Variants in ATP8B1 observed in about 807,000 individuals in gnomAD.
The protein encoded by ATP8B1 is ATPase phospholipid transporting 8B1.
Under a neutral mutation model 149.9 loss-of-function variants are expected in ATP8B1, and 80 were observed. The observed-to-expected ratio is 0.53, with a 90% CI of 0.45 to 0.64. ATP8B1 has a LOEUF of 0.64. Ranked by LOEUF, ATP8B1 falls within the 30% of genes least tolerant of loss-of-function variation. The pLI, the probability that ATP8B1 is intolerant of heterozygous loss-of-function variation, is 0.00. For missense variants in ATP8B1, 1,247 were observed against 1,552.6 expected (o/e 0.80, Z 3.31); for synonymous variants, 536 against 562.8 (o/e 0.95, Z 0.67).
In ATP8B1 at chr18:57,674,827, G is replaced by A. The variant is rs770597055; in HGVS notation, c.1819+7C>T. 10 of 1,613,692 alleles carry A rather than the reference G, an allele frequency of 6.2e-6. No homozygotes were observed. Among genetic ancestry groups the A allele is most frequent in the South Asian group, 1.1e-5 (1 of 90,924 alleles). On this transcript the variant is annotated splice_region_variant and intron_variant, in intron 16 of 27. Transcript: ENST00000648908. The stretch of plus-strand genomic sequence containing the variant: ...CGATTCATAGACAGACTCTGAGGGG[G>A]ACTTACCAATGATAGACATTCGCTT...
intron 6 of ATP8B1, among the ~76,000 whole-genome samples, chr18:57,699,804 C>T (rs1257232700): frequency 1.1e-4 from 17 of 152,266 alleles, no homozygotes; most frequent in African/African-American, 3.8e-4. Flanking sequence ...CCTCCTGCCT[C>T]GGCCTCCCAA....
chr18:57,743,453 C>T (rs2079937318), intron 1 of ATP8B1, among the ~76,000 whole-genome samples: 3 of 152,162 alleles, frequency 2.0e-5, no homozygotes, highest in East Asian at 1.9e-4. Flanking sequence ...GCAGATCTAT[C>T]CTACACCAGT....
At chr18:57,783,851 T>A (rs943310049) in intron 1 of ATP8B1, among the ~76,000 whole-genome samples, 3 of 151,504 alleles carry the variant, frequency 2.0e-5, no homozygotes, top group Non-Finnish European at 2.9e-5. Flanking sequence ...AAAATAAAAA[T>A]AATAAAGGAA....
intron 4 of ATP8B1, 43 bp from the exon 5 acceptor site, chr18:57,701,356 A>G: frequency 6.5e-7 from 1 of 1,550,372 alleles, no homozygotes; most frequent in East Asian, 2.2e-5. Flanking sequence ...ATGAAGGCAT[A>G]TCAAGCTTAC....
chr18:57,654,418 A>G (rs2084110573), intron 23 of ATP8B1, among the ~76,000 whole-genome samples: 1 of 151,976 alleles, frequency 6.6e-6, no homozygotes, highest in African/African-American at 2.4e-5. Flanking sequence ...TCCCAGGTTC[A>G]AGTGATTCTT....
At chr18:57,798,883 C>T (rs2080545656) in intron 1 of ATP8B1, among the ~76,000 whole-genome samples, 1 of 152,160 alleles carries the variant, frequency 6.6e-6, no homozygotes, top group African/African-American at 2.4e-5. Context: ...CTCTATCTTT[C>T]CAGTGCCTGG....
chr18:57,706,147 G>C (rs1407041288), intron 3 of ATP8B1, among the ~76,000 whole-genome samples: 1 of 152,178 alleles, frequency 6.6e-6, no homozygotes, highest in African/African-American at 2.4e-5. Flanking sequence ...AGAAGGGGAA[G>C]ATAAGTTCTT....
At chr18:57,651,944 G>T in intron 26 of ATP8B1, 90 bp downstream of exon 26, 1 of 1,487,734 alleles carries the variant, frequency 6.7e-7, no homozygotes, top group Non-Finnish European at 9.3e-7. Flanking sequence ...ATTCCACCTT[G>T]TATATTTTAT....
At chr18:57,764,756 T>TAAAAAAAA (rs1568061359) in intron 1 of ATP8B1, among the ~76,000 whole-genome samples, 1 of 66,440 alleles carries the variant, frequency 1.5e-5, no homozygotes, top group Non-Finnish European at 2.9e-5. Context: ...CTTTCAGTTG[T>TAAAAAAAA]CAAAAAAAAA....
chr18:57,704,539 T>G lies in ATP8B1; in HGVS notation c.393+16A>C, dbSNP rs1341839248. On this transcript the variant is annotated intron_variant, in intron 4 of 27. Transcript: ENST00000648908. Reference sequence around the variant, plus strand: ...CACTATAATTCAAACAGATTTAAGATAGCAAAGGGCATTACCTGTAAGATA... The same window carrying G: ...CACTATAATTCAAACAGATTTAAGAGAGCAAAGGGCATTACCTGTAAGATA... 1 of 1,480,840 alleles carries G rather than the reference T, an allele frequency of 6.8e-7. No individual in the cohort carries two copies. The highest frequency in any genetic ancestry group is 1.1e-5 in the South Asian group (1 of 88,156). The allele number at this position is 1,480,840 out of a possible 1,614,324, so 91.7% of individuals were successfully genotyped here. A position where few individuals can be genotyped will look rare whatever the true frequency, so the allele number is the denominator to read the frequency against.
chr18:57,769,581 T>C lies in ATP8B1; in HGVS notation c.-26+33417A>G, dbSNP rs28479845. ...GGCAACTGGTTTGAGCCTTAATTCA[T>C]GAAAACACACACACTTCACTCTAAA... On this transcript the variant is annotated intron_variant, in intron 1 of 27. Transcript: ENST00000648908. Among the ~76,000 whole-genome samples the C allele has an allele frequency of 3.5e-3, 539 of 152,264 alleles. 4 individuals are homozygous for C. The highest frequency in any genetic ancestry group is 0.012 in the African/African-American group (515 of 41,546).
intron 2 of ATP8B1, among the ~76,000 whole-genome samples, chr18:57,715,926 C>T (rs1408241525): frequency 6.6e-6 from 1 of 152,066 alleles, no homozygotes; most frequent in African/African-American, 2.4e-5. Context: ...GTTAAGTATA[C>T]AGAAAAACCC....
rs1447816835 is a variant in ATP8B1 at position 57,773,212 on chromosome 18, A to AG, written c.-26+29785_-26+29786insC. 4.5e-4 allele frequency among the ~76,000 whole-genome samples: 68 copies of AG among 151,402 alleles called. 1 individual carries two copies. Among genetic ancestry groups the AG allele is most frequent in the African/African-American group, 1.4e-3 (57 of 41,258 alleles). Reference sequence around the variant, plus strand: ...GCGAGACTCTGTCTTAAAAAAAAAAAAAAAAAGAAAAGAAAGAAATGATAA... The same window carrying AG: ...GCGAGACTCTGTCTTAAAAAAAAAAAGAAAAAAGAAAAGAAAGAAATGATAA... On this transcript the variant is annotated intron_variant, in intron 1 of 27. Coordinates refer to ENST00000648908, the MANE Select transcript of ATP8B1 (RefSeq NM_001374385.1).
intron 24 of ATP8B1, among the ~76,000 whole-genome samples, chr18:57,653,366 C>G (rs533704647): frequency 4.0e-5 from 6 of 149,090 alleles, no homozygotes; most frequent in African/African-American, 1.2e-4. Context: ...CTCACTGCAG[C>G]TTCAACCTTC....
intron 1 of ATP8B1, among the ~76,000 whole-genome samples, chr18:57,772,688 C>G (rs545032231): frequency 6.6e-6 from 1 of 152,130 alleles, no homozygotes; most frequent in Non-Finnish European, 1.5e-5. Context: ...GCTCCTGTCC[C>G]TATGAAGCTT....
At chr18:57,771,899 C>G (rs185172006) in intron 1 of ATP8B1, among the ~76,000 whole-genome samples, 130 of 152,298 alleles carry the variant, frequency 8.5e-4, no homozygotes, top group African/African-American at 3.1e-3. Context: ...CTGCCTTTAG[C>G]TGTTCCCACC....
chr18:57,749,409 C>T (rs1202534171), intron 1 of ATP8B1, among the ~76,000 whole-genome samples: 1 of 152,222 alleles, frequency 6.6e-6, no homozygotes, highest in Non-Finnish European at 1.5e-5. Context: ...CCTGCATCTC[C>T]TATAAAGAGA....
chr18:57,687,010 A>T (rs982636077), intron 13 of ATP8B1, among the ~76,000 whole-genome samples: 2 of 152,038 alleles, frequency 1.3e-5, no homozygotes, highest in African/African-American at 4.8e-5. Context: ...TACTCTGCTA[A>T]TTTTTAAAAA....
intron 20 of ATP8B1, among the ~76,000 whole-genome samples, chr18:57,665,598 G>A (rs545873959): frequency 6.6e-6 from 1 of 152,080 alleles, no homozygotes; most frequent in Admixed American, 6.6e-5. Flanking sequence ...TGTCACCCAG[G>A]CAGGAGTGTA....
Sources: gnomAD v4.1 joint callset for allele counts (sites outside exome capture counted in the v4.1 genomes callset) on GRCh38, gnomAD v4.1.1 for gene constraint, MANE v1.5 for transcripts, NCBI Gene and HGNC (gene_info 2026-07-23, HGNC 2026-07-21) for gene names.